UHMK1: variants seen among roughly 807,000 people sequenced by gnomAD.
UHMK1 encodes U2AF homology motif kinase 1.
In UHMK1, 18 loss-of-function variants were observed where a neutral mutation model predicts 44.0. The observed-to-expected ratio is 0.41, with a 90% CI of 0.28 to 0.61. The LOEUF is 0.61. Among genes scored for constraint, UHMK1 ranks in the 20% least tolerant of loss-of-function variants. The pLI is 0.31. For synonymous variants in UHMK1, 231 were observed against 198.5 expected, an observed-to-expected ratio of 1.16 and a Z score of -1.38; for missense variants, 463 against 522.5, an observed-to-expected ratio of 0.89 and a Z score of 1.11.
Position 162,500,206 on chromosome 1 carries a change from A to C in UHMK1, c.520A>C (p.Lys174Gln). 6.2e-7 allele frequency: 1 copy of C among 1,613,948 alleles called. No individual in the cohort carries two copies. Among genetic ancestry groups the C allele is most frequent in the Non-Finnish European group, 8.5e-7 (1 of 1,179,810 alleles). ...ILWSAENECF[K>Q]LIDFGLSFKE... is the part of the protein sequence containing the mutation. ...GTGGAGTGCAGAGAATGAATGTTTT[A>C]AACTCATTGACTTTGGACTTAGCTT... The change falls in exon 2 of 8, where the codon AAA (lysine) becomes CAA (glutamine). Residue 174 changes from lysine (K) to glutamine (Q), a missense_variant. By Grantham distance (53) the Lys-to-Gln change is moderately conservative. This residue lies in a region of UHMK1 where 264 missense variants were observed against 326.3 expected (regional missense o/e 0.81). Coordinates refer to ENST00000489294, the MANE Select transcript of UHMK1 (RefSeq NM_175866.5).
Position 162,522,649 on chromosome 1 carries a change from C to G in UHMK1, c.*99C>G. On this transcript the variant is annotated 3_prime_UTR_variant, in exon 8 of 8. Transcript: ENST00000489294. ...ACCCCCTTACCATTTTAAGAAGGTA[C>G]TTTATACATTTATTTAATCCTACTA... 1 of 1,305,750 alleles carries G rather than the reference C, an allele frequency of 7.7e-7. No homozygotes were observed. The highest frequency in any genetic ancestry group is 1.1e-6 in the Non-Finnish European group (1 of 949,626). 80.9% of individuals were successfully genotyped at this position (1,305,750 alleles called of 1,614,324 possible). A position where few individuals can be genotyped will look rare whatever the true frequency, so the allele number is the denominator to read the frequency against.
intron 4 of UHMK1, among the ~76,000 whole-genome samples, chr1:162,509,400 C>G (rs1284147278): frequency 6.6e-6 from 1 of 152,182 alleles, no homozygotes; most frequent in Non-Finnish European, 1.5e-5. Flanking sequence ...TTACTCCAAC[C>G]TCTTATGATT....
intron 2 of UHMK1, chr1:162,500,647 C>A: frequency 2.3e-6 from 1 of 444,136 alleles, no homozygotes; most frequent in Non-Finnish European, 4.0e-6. Context: ...CATTTCTTTG[C>A]AGTGTCCTTA....
chr1:162,526,672 A>G lies in UHMK1; in HGVS notation c.*4122A>G, dbSNP rs1432070658. ...TGGGTTTACCTTTGTTTTATTTTTC[A>G]TATATATATTCACTGTCTGCCTGGA... On this transcript the variant is annotated 3_prime_UTR_variant, in exon 8 of 8. Transcript: ENST00000489294. 3 of 152,044 alleles carry G rather than the reference A, an allele frequency of 2.0e-5. No homozygotes were observed. In the East Asian group the frequency reaches 5.8e-4, roughly 29 times the overall value. 9.4% of individuals were successfully genotyped at this position (152,044 alleles called of 1,614,324 possible). A position where few individuals can be genotyped will look rare whatever the true frequency, so the allele number is the denominator to read the frequency against.
chr1:162,517,683 G>A (rs993733109), intron 6 of UHMK1, among the ~76,000 whole-genome samples: 1 of 151,932 alleles, frequency 6.6e-6, no homozygotes, highest in Non-Finnish European at 1.5e-5. Flanking sequence ...CCAGGAGTTC[G>A]AGAACAGCCT....
chr1:162,500,842 A>G, intron 2 of UHMK1, 71 bp from the exon 3 acceptor site: 1 of 1,450,098 alleles, frequency 6.9e-7, no homozygotes, highest in South Asian at 1.3e-5. Flanking sequence ...TAGGGAAGTA[A>G]ATTCACTGTA....
At chr1:162,520,372 C>T (rs1652011432) in intron 7 of UHMK1, among the ~76,000 whole-genome samples, 1 of 152,128 alleles carries the variant, frequency 6.6e-6, no homozygotes, top group East Asian at 1.9e-4. Context: ...TGTATCCTTG[C>T]TGTTTAGTCA....
At position 162,518,109 on chromosome 1, in the gene UHMK1, A is replaced by G. The variant is rs1450922705; in HGVS notation, c.1032A>G (p.Val344=). ...ATGTGTTTTAATAATCAGATGTTGT[A>G]GAAGATGTAAAAGAGGAGTGTCAAA... The part of the protein sequence containing the change: ...LENEEEYEDV[V]EDVKEECQKY... The change falls in exon 7 of 8, where the codon GTA becomes GTG. Residue 344 remains valine (V), a synonymous_variant. Transcript: ENST00000489294. 1 of 1,609,226 alleles carries G rather than the reference A, an allele frequency of 6.2e-7. No individual in the cohort carries two copies. Among genetic ancestry groups the G allele is most frequent in the African/African-American group, 1.3e-5 (1 of 74,992 alleles).
intron 3 of UHMK1, among the ~76,000 whole-genome samples, chr1:162,502,791 G>A (rs1481229228): frequency 6.6e-6 from 1 of 152,280 alleles, no homozygotes; most frequent in East Asian, 1.9e-4. Context: ...CTCTTACTAA[G>A]TTATTTATTT....
chr1:162,505,641 A>G (rs1272840320), intron 4 of UHMK1, among the ~76,000 whole-genome samples: 1 of 152,226 alleles, frequency 6.6e-6, no homozygotes, highest in East Asian at 1.9e-4. Flanking sequence ...GCTGTCATAT[A>G]TGTGGTCCAT....
At chr1:162,509,551 A>G (rs1018214320) in intron 4 of UHMK1, among the ~76,000 whole-genome samples, 16 of 152,118 alleles carry the variant, frequency 1.1e-4, no homozygotes, top group African/African-American at 3.9e-4. Flanking sequence ...GGTTCATCAG[A>G]TCAATTGTAG....
chr1:162,513,365 A>G (rs1651734700), intron 6 of UHMK1, among the ~76,000 whole-genome samples: 1 of 152,176 alleles, frequency 6.6e-6, no homozygotes, highest in African/African-American at 2.4e-5. Flanking sequence ...GCCTTTCCCT[A>G]TGCTTGCATT....
intron 6 of UHMK1, among the ~76,000 whole-genome samples, chr1:162,513,274 CTT>C (rs1651730229): frequency 1.3e-5 from 2 of 152,176 alleles, no homozygotes; most frequent in South Asian, 4.1e-4. Context: ...CCTTTTGACT[CTT>C]TTACGTTTCA....
chr1:162,511,491 T>C (rs1651669901), intron 4 of UHMK1, among the ~76,000 whole-genome samples: 1 of 152,166 alleles, frequency 6.6e-6, no homozygotes, highest in Admixed American at 6.6e-5. Flanking sequence ...ATATATCTTG[T>C]ATATTACTCC....
intron 6 of UHMK1, chr1:162,513,100 C>T (rs1038391534): frequency 1.0e-4 from 36 of 346,442 alleles, no homozygotes; most frequent in African/African-American, 7.5e-4. Context: ...TGCCACCAGA[C>T]CTGGCTAATT....
intron 1 of UHMK1, 97 bp downstream of exon 1, chr1:162,498,365 G>A: frequency 2.8e-6 from 4 of 1,429,722 alleles, no homozygotes; most frequent in Non-Finnish European, 3.7e-6. Context: ...CCCCTTCTGC[G>A]GGAGAAGCGG....
chr1:162,510,093 T>G (rs1360813227), intron 4 of UHMK1, among the ~76,000 whole-genome samples: 1 of 152,250 alleles, frequency 6.6e-6, no homozygotes, highest in Non-Finnish European at 1.5e-5. Flanking sequence ...CGGTCTTCTT[T>G]TTTTAATGAC....
rs576475652 is a variant in UHMK1 at position 162,528,725 on chromosome 1, G to T, written c.*6175G>T. ...TATTTACTTTGCAGACTGTAAAGCT[G>T]CCCTATCTTTTCCAGCAGAATTTAC... On this transcript the variant is annotated 3_prime_UTR_variant, in exon 8 of 8. Transcript: ENST00000489294. The T allele has an allele frequency of 6.6e-6, 1 of 152,168 alleles. No homozygotes were observed. Among genetic ancestry groups the T allele is most frequent in the African/African-American group, 2.4e-5 (1 of 41,540 alleles). The allele number at this position is 152,168 out of a possible 1,614,324, so 9.4% of individuals were successfully genotyped here.
At chr1:162,517,693 T>G (rs1171994010) in intron 6 of UHMK1, among the ~76,000 whole-genome samples, 1 of 152,082 alleles carries the variant, frequency 6.6e-6, no homozygotes, top group African/African-American at 2.4e-5. Context: ...GAGAACAGCC[T>G]GGCCAATATG....
Sources: allele counts gnomAD v4.1 joint callset (sites outside exome capture counted in the v4.1 genomes callset), GRCh38; gene constraint gnomAD v4.1.1; regional missense constraint gnomAD v4.1.1; transcripts MANE v1.5; gene names NCBI Gene and HGNC (gene_info 2026-07-23, HGNC 2026-07-21).